Variants in PDE4B observed in about 807,000 individuals in gnomAD.
The protein encoded by PDE4B is phosphodiesterase 4B, also known as 3',5'-cyclic-AMP phosphodiesterase 4B.
Under a neutral mutation model 82.2 loss-of-function variants are expected in PDE4B, and 20 were observed. That is an observed-to-expected ratio of 0.24 (90% CI 0.17 to 0.35). PDE4B has a LOEUF of 0.35. Among genes scored for constraint, PDE4B ranks in the 10% least tolerant of loss-of-function variants. The pLI is 1.00. For missense variants in PDE4B, 655 were observed against 907.2 expected, an observed-to-expected ratio of 0.72 and a Z score of 3.57; for synonymous variants, 320 against 318.9, an observed-to-expected ratio of 1.00 and a Z score of -0.04.
At position 65,968,293 on chromosome 1, in the gene PDE4B, AG is replaced by A. The variant is rs1172603496; in HGVS notation, c.281+49461del. Among the ~76,000 whole-genome samples the A allele has an allele frequency of 4.6e-5, 7 of 152,130 alleles. No individual in the cohort carries two copies. In the South Asian group the frequency reaches 1.4e-3, roughly 31 times the overall value. On this transcript the variant is annotated intron_variant, in intron 3 of 16. Transcript: ENST00000341517. ...AGTATCTTTCAGATCAGAATACCTA[AG>A]GGTTTCTTTTCTTTCTCTATTGCCA... is the stretch of plus-strand genomic sequence containing the variant.
chr1:65,912,263 T>C (rs1033967507), intron 1 of PDE4B, among the ~76,000 whole-genome samples: 1 of 152,158 alleles, frequency 6.6e-6, no homozygotes, highest in African/African-American at 2.4e-5. Flanking sequence ...TTAGACTTAG[T>C]GGGTACATGT....
chr1:66,345,060 G>T (rs1263978497), intron 8 of PDE4B, among the ~76,000 whole-genome samples: 1 of 152,136 alleles, frequency 6.6e-6, no homozygotes, highest in Admixed American at 6.5e-5. Context: ...GCTCTTACCT[G>T]TGTTCTCGTA....
intron 7 of PDE4B, among the ~76,000 whole-genome samples, chr1:66,271,603 CCAAA>C (rs1288991021): frequency 1.3e-5 from 2 of 152,202 alleles, no homozygotes; most frequent in Non-Finnish European, 2.9e-5. Flanking sequence ...AGACCTATCT[CCAAA>C]CACAGTTTCT....
intron 3 of PDE4B, among the ~76,000 whole-genome samples, chr1:65,945,420 A>T (rs1340137920): frequency 6.6e-6 from 1 of 151,964 alleles, no homozygotes; most frequent in African/African-American, 2.4e-5. Flanking sequence ...ACTGGCTGAG[A>T]CACTGTAGGC....
At chr1:65,941,369 G>A (rs1373670929) in intron 3 of PDE4B, among the ~76,000 whole-genome samples, 6 of 151,960 alleles carry the variant, frequency 3.9e-5, no homozygotes, top group Non-Finnish European at 7.4e-5. Context: ...CTTATTTCCG[G>A]ATTCCTAAAA....
intron 7 of PDE4B, among the ~76,000 whole-genome samples, chr1:66,331,579 G>A (rs1660111910): frequency 6.6e-6 from 1 of 152,270 alleles, no homozygotes; most frequent in South Asian, 2.1e-4. Flanking sequence ...TTTTTTGTGT[G>A]AAATACCAAC....
chr1:66,328,286 C>G (rs1198883856), intron 7 of PDE4B, among the ~76,000 whole-genome samples: 3 of 152,186 alleles, frequency 2.0e-5, no homozygotes, highest in Non-Finnish European at 4.4e-5. Flanking sequence ...GGTTGGTTCT[C>G]CCTACTTCTT....
At chr1:65,991,378 G>A (rs1651233723) in intron 3 of PDE4B, among the ~76,000 whole-genome samples, 1 of 152,136 alleles carries the variant, frequency 6.6e-6, no homozygotes, top group Non-Finnish European at 1.5e-5. Context: ...ACCACGCTCA[G>A]CCCAAATGAT....
intron 3 of PDE4B, among the ~76,000 whole-genome samples, chr1:66,016,358 A>C (rs1203067572): frequency 6.6e-6 from 1 of 152,102 alleles, no homozygotes; most frequent in African/African-American, 2.4e-5. Flanking sequence ...TTGTTTGATA[A>C]ATATATATCA....
intron 7 of PDE4B, among the ~76,000 whole-genome samples, chr1:66,288,982 TC>T (rs1409776820): frequency 6.6e-6 from 1 of 152,230 alleles, no homozygotes; most frequent in Non-Finnish European, 1.5e-5. Context: ...GCTTGTTTAT[TC>T]ATTTATTTAT....
chr1:65,896,479 G>T (rs1037870908), intron 1 of PDE4B, among the ~76,000 whole-genome samples: 1 of 152,144 alleles, frequency 6.6e-6, no homozygotes, highest in Non-Finnish European at 1.5e-5. Flanking sequence ...AACCATATCA[G>T]TGTGTATATA....
At chr1:66,284,499 C>G (rs1445193218) in intron 7 of PDE4B, among the ~76,000 whole-genome samples, 3 of 152,068 alleles carry the variant, frequency 2.0e-5, no homozygotes, top group African/African-American at 7.2e-5. Context: ...CATGCTCAAA[C>G]AAATGGAGGC....
intron 3 of PDE4B, among the ~76,000 whole-genome samples, chr1:66,095,678 T>C (rs1645100814): frequency 6.6e-6 from 1 of 151,964 alleles, no homozygotes. Context: ...TATGATGTCA[T>C]GGATTGCTGT....
chr1:66,204,735 G>A (rs1649398430), intron 3 of PDE4B, among the ~76,000 whole-genome samples: 1 of 152,206 alleles, frequency 6.6e-6, no homozygotes, highest in South Asian at 2.1e-4. Context: ...GATTTTCCAG[G>A]TGCCATCTGT....
chr1:66,180,273 C>A (rs978145848), intron 3 of PDE4B, among the ~76,000 whole-genome samples: 1 of 152,110 alleles, frequency 6.6e-6, no homozygotes, highest in Admixed American at 6.5e-5. Flanking sequence ...TGAAACAACA[C>A]AGCAAGTTGA....
At chr1:66,100,524 T>A (rs1033779148) in intron 3 of PDE4B, among the ~76,000 whole-genome samples, 1 of 152,136 alleles carries the variant, frequency 6.6e-6, no homozygotes. Context: ...AAAAAGTGAA[T>A]CCTCTATGAT....
intron 3 of PDE4B, among the ~76,000 whole-genome samples, chr1:65,924,979 T>G (rs201058016): frequency 1.3e-5 from 2 of 152,164 alleles, no homozygotes; most frequent in African/African-American, 4.8e-5. Context: ...GTCTTACACA[T>G]GCACAGGGGA....
intron 3 of PDE4B, among the ~76,000 whole-genome samples, chr1:66,031,905 A>G (rs1653798120): frequency 6.6e-6 from 1 of 152,206 alleles, no homozygotes; most frequent in Admixed American, 6.5e-5. Context: ...CCATGACTCA[A>G]TTAACTTTCC....
intron 3 of PDE4B, among the ~76,000 whole-genome samples, chr1:65,947,966 T>C (rs1648796166): frequency 6.7e-6 from 1 of 148,202 alleles, no homozygotes; most frequent in South Asian, 2.1e-4. Flanking sequence ...TACATATACA[T>C]AAATATATAT....
Sources: allele counts gnomAD v4.1 joint callset (sites outside exome capture counted in the v4.1 genomes callset), GRCh38; gene constraint gnomAD v4.1.1; transcripts MANE v1.5; gene names NCBI Gene and HGNC (gene_info 2026-07-23, HGNC 2026-07-21).